CA12: variants seen among roughly 807,000 people sequenced by gnomAD.
CA12 encodes the protein carbonate dehydratase XII.
Under a neutral mutation model 46.8 loss-of-function variants are expected in CA12, and 36 were observed. The ratio of observed to expected loss-of-function variants is 0.77; its 90% CI spans 0.59 to 1.02. CA12 has a LOEUF of 1.02. CA12 is among the 50% of genes least tolerant of loss of function. The probability of loss-of-function intolerance (pLI) is 0.00; values close to 1 mark genes in which losing one functional copy is unlikely to be tolerated. For missense variants in CA12, 436 were observed against 451.4 expected (o/e 0.97, Z 0.31); for synonymous variants, 202 against 187.0 (o/e 1.08, Z -0.65).
chr15:63,352,813 T>G (rs1419598929), intron 2 of CA12, among the ~76,000 whole-genome samples: 2 of 152,192 alleles, frequency 1.3e-5, no homozygotes, highest in African/African-American at 2.4e-5. Context: ...TAAGGAGGTC[T>G]GACCATAATG....
chr15:63,381,165 G>A (rs1025268601), intron 1 of CA12, among the ~76,000 whole-genome samples: 4 of 152,150 alleles, frequency 2.6e-5, no homozygotes, highest in Admixed American at 2.0e-4. Flanking sequence ...TGACTTGTAG[G>A]TAAGACTTAA....
chr15:63,328,004 G>A lies in CA12; in HGVS notation c.907+94C>T. The A allele has an allele frequency of 1.7e-6, 2 of 1,206,248 alleles. No individual in the cohort carries two copies. The highest frequency in any genetic ancestry group is 2.5e-6 in the Non-Finnish European group (2 of 811,642). The allele number at this position is 1,206,248 out of a possible 1,614,324, so 74.7% of individuals were successfully genotyped here. Reference sequence around the variant, plus strand: ...GAGAGGGCCAGGAGCCAGAGCAATAGTACAGAGAAGCAGAGAGGACGGGCT... The same window carrying A: ...GAGAGGGCCAGGAGCCAGAGCAATAATACAGAGAAGCAGAGAGGACGGGCT... On this transcript the variant is annotated intron_variant, in intron 9 of 10. Transcript: ENST00000178638. The surrounding 1 kb of genome is among the most constrained non-coding windows in gnomAD (Gnocchi z 5.9).
In CA12 at chr15:63,331,980, ATCCTTT is replaced by A. The variant is rs1337610163; in HGVS notation, c.875-3856_875-3851del. ...CGATTCTGTTTGACTGTGGACTATAATCCTTTTCAAGTATTATTTTAAAGTACACAC... is the reference window on the plus strand; with the variant it reads ...CGATTCTGTTTGACTGTGGACTATAATCAAGTATTATTTTAAAGTACACAC... On this transcript the variant is annotated intron_variant, in intron 8 of 10. Transcript: ENST00000178638. The surrounding 1 kb of genome is among the most constrained non-coding windows in gnomAD (Gnocchi z 5.3). Among the ~76,000 whole-genome samples, 3 of 152,212 alleles carry A rather than the reference ATCCTTT, an allele frequency of 2.0e-5. No individual in the cohort carries two copies. Among genetic ancestry groups the A allele is most frequent in the Non-Finnish European group, 4.4e-5 (3 of 68,020 alleles).
chr15:63,338,722 C>A (rs2039035255), intron 8 of CA12, 97 bp downstream of exon 8: 1 of 1,548,200 alleles, frequency 6.5e-7, no homozygotes. Context: ...CAGCCAACTT[C>A]TTGAGGGCAT....
intron 1 of CA12, 114 bp downstream of exon 1, chr15:63,381,522 C>T (rs2152629602): frequency 1.1e-6 from 1 of 898,934 alleles, no homozygotes; most frequent in South Asian, 1.4e-5. Context: ...CTATTTGGTA[C>T]TACACCTTCC....
chr15:63,342,461 T>C (rs549188649), intron 4 of CA12, among the ~76,000 whole-genome samples: 16 of 152,292 alleles, frequency 1.1e-4, no homozygotes, highest in African/African-American at 3.6e-4. Flanking sequence ...GAAAGGAATG[T>C]CTGGGTTCCA....
rs932275797 is a variant in CA12 at position 63,355,517 on chromosome 15, G to A, written c.107-8808C>T. Among the ~76,000 whole-genome samples the A allele has an allele frequency of 6.6e-6, 1 of 152,210 alleles. No individual in the cohort carries two copies. Among genetic ancestry groups the A allele is most frequent in the African/African-American group, 2.4e-5 (1 of 41,442 alleles). On this transcript the variant is annotated intron_variant, in intron 2 of 10. Coordinates refer to ENST00000178638, the MANE Select transcript of CA12 (RefSeq NM_001218.5). This position sits in a 1 kb window ranked among gnomAD's most constrained non-coding sequence, Gnocchi z 4.1. ...GCGCCCAGCATCTGCCGTTGGACAA[G>A]GCTGCCAGGCGATGCTGCTGCGGGC... is the stretch of plus-strand genomic sequence containing the variant.
Position 63,326,125 on chromosome 15 carries a change from C to G in CA12, c.*160G>C. The G allele has an allele frequency of 1.5e-6, 1 of 675,742 alleles. No homozygotes were observed. 41.9% of individuals were successfully genotyped at this position (675,742 alleles called of 1,614,324 possible). A position where few individuals can be genotyped will look rare whatever the true frequency, so the allele number is the denominator to read the frequency against. On this transcript the variant is annotated 3_prime_UTR_variant, in exon 11 of 11. Transcript: ENST00000178638. ...GGATGGCTCTGGGGTGGCCATGGTC[C>G]CAAGGCAAGGAGGCACCCAGCAGAG...
In CA12 at chr15:63,329,843, G is replaced by A. The variant is rs537457800; in HGVS notation, c.875-1713C>T. On this transcript the variant is annotated intron_variant, in intron 8 of 10. Transcript: ENST00000178638. The surrounding 1 kb of genome is among the most constrained non-coding windows in gnomAD (Gnocchi z 4.8). The stretch of plus-strand genomic sequence containing the variant: ...TTTGCTCACTGCCCCTTCTCCTGTC[G>A]TATGGCCCAAGTCTAGCTGATTCCC... 4.6e-5 allele frequency among the ~76,000 whole-genome samples: 7 copies of A among 152,282 alleles called. No individual in the cohort carries two copies. Among genetic ancestry groups the A allele is most frequent in the East Asian group, 1.9e-4 (1 of 5,182 alleles).
Position 63,340,839 on chromosome 15 carries a change from G to C in CA12, c.526-56C>G. On this transcript the variant is annotated intron_variant, in intron 5 of 10. Coordinates refer to ENST00000178638, the MANE Select transcript of CA12 (RefSeq NM_001218.5). The surrounding 1 kb of genome is among the most constrained non-coding windows in gnomAD (Gnocchi z 4.4). ...GACAGAACAGGATAGGCTGAGCCAG[G>C]ATTGACGATTGCTATCAGAAGGGCA... 1 of 1,480,920 alleles carries C rather than the reference G, an allele frequency of 6.8e-7. No homozygotes were observed. Among genetic ancestry groups the C allele is most frequent in the Non-Finnish European group, 9.4e-7 (1 of 1,059,336 alleles). 91.7% of individuals were successfully genotyped at this position (1,480,920 alleles called of 1,614,324 possible). A position where few individuals can be genotyped will look rare whatever the true frequency, so the allele number is the denominator to read the frequency against.
At chr15:63,381,522 C>G in intron 1 of CA12, 114 bp downstream of exon 1, 1 of 898,938 alleles carries the variant, frequency 1.1e-6, no homozygotes, top group Non-Finnish European at 1.8e-6. Context: ...CTATTTGGTA[C>G]TACACCTTCC....
chr15:63,366,538 T>A (rs2039437252), intron 2 of CA12, among the ~76,000 whole-genome samples: 1 of 152,240 alleles, frequency 6.6e-6, no homozygotes, highest in African/African-American at 2.4e-5. Flanking sequence ...TGTCAACCAT[T>A]TCCTGAGTAC....
At chr15:63,364,338 A>AAAAAAAAAAAAAC in intron 2 of CA12, among the ~76,000 whole-genome samples, 1 of 142,596 alleles carries the variant, frequency 7.0e-6, no homozygotes, top group Admixed American at 7.2e-5. Flanking sequence ...ACTAGAAAAA[A>AAAAAAAAAAAAAC]AAAAAAAAAA....
At chr15:63,335,828 G>A (rs994451266) in intron 8 of CA12, among the ~76,000 whole-genome samples, 1 of 152,164 alleles carries the variant, frequency 6.6e-6, no homozygotes, top group African/African-American at 2.4e-5. Context: ...GAAACATCAT[G>A]TTACAGTCTG....
chr15:63,350,576 T>C (rs989008746), intron 2 of CA12, among the ~76,000 whole-genome samples: 9 of 152,336 alleles, frequency 5.9e-5, no homozygotes, highest in Middle Eastern at 3.4e-3. Context: ...ATTATTTCTT[T>C]CCTGTCTATG....
rs1052281247 is a variant in CA12, at chr15:63,345,735, A to T, written c.287-116T>A. ...CTGCCACCCCCTGGAGCCCAGAGAG[A>T]GGCAGGTGGATGGAGTGAGGTGCGG... is the stretch of plus-strand genomic sequence containing the variant. On this transcript the variant is annotated intron_variant, in intron 3 of 10. Coordinates refer to ENST00000178638, the MANE Select transcript of CA12 (RefSeq NM_001218.5). This position sits in a 1 kb window ranked among gnomAD's most constrained non-coding sequence, Gnocchi z 4.3. 8.2e-6 allele frequency: 11 copies of T among 1,347,518 alleles called. No individual in the cohort carries two copies. The East Asian group carries it at 1.8e-4, about 21-fold the overall frequency. The allele number at this position is 1,347,518 out of a possible 1,614,324, so 83.5% of individuals were successfully genotyped here.
At chr15:63,364,063 T>G (rs2039401981) in intron 2 of CA12, among the ~76,000 whole-genome samples, 1 of 151,942 alleles carries the variant, frequency 6.6e-6, no homozygotes, top group Admixed American at 6.6e-5. Flanking sequence ...GGCGCATGCC[T>G]GTAATCCCAG....
chr15:63,326,381 T>A (rs183757040), intron 10 of CA12, 24 bp from the exon 11 acceptor site: 1 of 1,596,274 alleles, frequency 6.3e-7, no homozygotes, highest in Non-Finnish European at 8.6e-7. Flanking sequence ...AACACATAAC[T>A]CTTGTTAGAG....
chr15:63,345,519 G>A lies in CA12; in HGVS notation c.387C>T (p.His129=), dbSNP rs556402575. The change falls in exon 4 of 11, where the codon CAC becomes CAT. Residue 129 remains histidine (H), a synonymous_variant. Coordinates refer to ENST00000178638, the MANE Select transcript of CA12 (RefSeq NM_001218.5). The surrounding 1 kb of genome is among the most constrained non-coding windows in gnomAD (Gnocchi z 4.3). ...GTCCGCTGACGGTGTGCTCAGAGCC[G>A]TGCGGGTCATTCGGGTTCCCCCAGT... ...HLHWGNPNDP[H]GSEHTVSGQH... The A allele has an allele frequency of 2.9e-5, 46 of 1,612,228 alleles. No individual in the cohort carries two copies. The highest frequency in any genetic ancestry group is 8.3e-5 in the Admixed American group (5 of 60,018).
Sources: allele counts gnomAD v4.1 joint callset (sites outside exome capture counted in the v4.1 genomes callset), GRCh38; gene constraint gnomAD v4.1.1; non-coding constraint Gnocchi (gnomAD v3.1); transcripts MANE v1.5; gene names NCBI Gene and HGNC (gene_info 2026-07-23, HGNC 2026-07-21).